The following CAMK1D variants were observed in gnomAD, a reference collection of about 807,000 sequenced individuals.
CAMK1D encodes calcium/calmodulin dependent protein kinase ID.
A neutral mutation model predicts 47.7 loss-of-function variants in CAMK1D; 9 were observed. That is an observed-to-expected ratio of 0.19 (90% confidence interval 0.11 to 0.33). The LOEUF is 0.33. CAMK1D is among the 10% of genes least tolerant of loss of function. The pLI is 1.00. For synonymous variants in CAMK1D, 184 were observed against 184.9 expected (o/e 0.99, Z 0.04); for missense variants, 291 against 488.7 (o/e 0.60, Z 3.81).
intron 1 of CAMK1D, among the ~76,000 whole-genome samples, chr10:12,363,084 G>C (rs1270836753): frequency 6.6e-6 from 1 of 151,736 alleles, no homozygotes; most frequent in Non-Finnish European, 1.5e-5. Context: ...GTGACTACTG[G>C]TGCACGCCAG....
chr10:12,694,381 A>C lies in CAMK1D; in HGVS notation c.299+27571A>C, dbSNP rs1239466153. On this transcript the variant is annotated intron_variant, in intron 3 of 10. Coordinates refer to ENST00000619168, the MANE Select transcript of CAMK1D (RefSeq NM_153498.4). Reference sequence around the variant, plus strand: ...GTTATATGTTATATATAAAATATAAAATATATATGTTATATATCATATATA... The same window carrying C: ...GTTATATGTTATATATAAAATATAACATATATATGTTATATATCATATATA... 1.1e-3 allele frequency among the ~76,000 whole-genome samples: 104 copies of C among 96,066 alleles called. 3 individuals carry two copies. Among genetic ancestry groups the C allele is most frequent in the South Asian group, 4.3e-3 (12 of 2,818 alleles). 63.0% of individuals were successfully genotyped at this position (96,066 alleles called of 152,430 possible).
intron 8 of CAMK1D, among the ~76,000 whole-genome samples, chr10:12,823,476 G>A (rs1235081897): frequency 6.6e-6 from 1 of 152,076 alleles, no homozygotes; most frequent in Admixed American, 6.6e-5. Context: ...GGAGGAGGCT[G>A]TGATCGAGAA....
chr10:12,802,300 T>C (rs554835855), intron 6 of CAMK1D, among the ~76,000 whole-genome samples: 7 of 152,308 alleles, frequency 4.6e-5, no homozygotes, highest in Non-Finnish European at 1.0e-4. Flanking sequence ...TGCCTTTGTA[T>C]CTTCTTGCAG....
intron 1 of CAMK1D, among the ~76,000 whole-genome samples, chr10:12,519,099 G>A (rs1835305582): frequency 1.0e-5 from 1 of 97,794 alleles, no homozygotes. Flanking sequence ...TGGATAGGGC[G>A]GCTGGCCGGG....
chr10:12,654,684 A>G (rs1268884619), intron 2 of CAMK1D, among the ~76,000 whole-genome samples: 1 of 152,202 alleles, frequency 6.6e-6, no homozygotes, highest in Non-Finnish European at 1.5e-5. Context: ...GTAGCCTTAA[A>G]TCTTTATCCT....
chr10:12,830,913 C>G lies in CAMK1D; in HGVS notation c.*2026C>G, dbSNP rs1833405936. ...GGCTGAATGTTGAGTGATGCCCCCC[C>G]ACCCTCTCAATAAACACACACACAC... On this transcript the variant is annotated 3_prime_UTR_variant, in exon 11 of 11. Transcript: ENST00000619168. The G allele has an allele frequency of 1.6e-5, 2 of 128,968 alleles. No homozygotes were observed. The highest frequency in any genetic ancestry group is 5.0e-4 in the South Asian group (2 of 4,030). 8.0% of individuals were successfully genotyped at this position (128,968 alleles called of 1,614,324 possible).
intron 3 of CAMK1D, among the ~76,000 whole-genome samples, chr10:12,737,916 A>C (rs1487767229): frequency 6.6e-6 from 1 of 152,246 alleles, no homozygotes; most frequent in African/African-American, 2.4e-5. Flanking sequence ...TAGATGGATT[A>C]AAGAATAACT....
rs780852004 is a variant in CAMK1D at position 12,777,396 on chromosome 10, G to A, written c.565+7597G>A. 3.4e-4 allele frequency among the ~76,000 whole-genome samples: 47 copies of A among 140,062 alleles called. 1 individual carries two copies. The highest frequency in any genetic ancestry group is 6.5e-4 in the Non-Finnish European group (42 of 64,830). 91.9% of individuals were successfully genotyped at this position (140,062 alleles called of 152,430 possible). A position where few individuals can be genotyped will look rare whatever the true frequency, so the allele number is the denominator to read the frequency against. ...TTTTTTTTTTTTTTTTTTTGAGACGGAGTTTTGCTCTTGTTGCCCAGCCTG... is the reference window on the plus strand; with the variant it reads ...TTTTTTTTTTTTTTTTTTTGAGACGAAGTTTTGCTCTTGTTGCCCAGCCTG... On this transcript the variant is annotated intron_variant, in intron 5 of 10. Coordinates refer to ENST00000619168, the MANE Select transcript of CAMK1D (RefSeq NM_153498.4).
At chr10:12,780,763 C>G (rs10732937) in intron 5 of CAMK1D, among the ~76,000 whole-genome samples, 1 of 152,208 alleles carries the variant, frequency 6.6e-6, no homozygotes, top group African/African-American at 2.4e-5. Context: ...GTTAGTGTCA[C>G]AACAGGGTTT....
At chr10:12,610,994 T>C (rs1160353687) in intron 2 of CAMK1D, among the ~76,000 whole-genome samples, 2 of 152,172 alleles carry the variant, frequency 1.3e-5, no homozygotes, top group African/African-American at 4.8e-5. Flanking sequence ...TAGGCACTCT[T>C]AGGAGTACTT....
chr10:12,590,492 T>C (rs969210434), intron 2 of CAMK1D, among the ~76,000 whole-genome samples: 3 of 152,166 alleles, frequency 2.0e-5, no homozygotes, highest in Non-Finnish European at 2.9e-5. Flanking sequence ...TCACAAAACA[T>C]TGGCATTACA....
chr10:12,658,503 CAAAA>C (rs1840182609), intron 2 of CAMK1D, among the ~76,000 whole-genome samples: 1 of 152,060 alleles, frequency 6.6e-6, no homozygotes, highest in African/African-American at 2.4e-5. Flanking sequence ...CCTATGTGCA[CAAAA>C]CTAGGTAAGG....
At chr10:12,572,019 A>T (rs944114353) in intron 2 of CAMK1D, among the ~76,000 whole-genome samples, 2 of 146,530 alleles carry the variant, frequency 1.4e-5, no homozygotes, top group African/African-American at 5.1e-5. Flanking sequence ...CAAAGATAGA[A>T]AGCAGCACCC....
At chr10:12,400,183 G>A (rs1444071527) in intron 1 of CAMK1D, among the ~76,000 whole-genome samples, 1 of 152,110 alleles carries the variant, frequency 6.6e-6, no homozygotes, top group Non-Finnish European at 1.5e-5. Flanking sequence ...TTTTTAACTC[G>A]GAATTTCAAG....
intron 2 of CAMK1D, among the ~76,000 whole-genome samples, chr10:12,645,970 GTT>G (rs5783282): frequency 0.017 from 2,344 of 136,872 alleles, 40 homozygotes; most frequent in Middle Eastern, 0.038. Flanking sequence ...ATGGCTAGTT[GTT>G]TTTTTTTTTT....
intron 2 of CAMK1D, among the ~76,000 whole-genome samples, chr10:12,605,011 C>G (rs1434273737): frequency 6.6e-6 from 1 of 152,062 alleles, no homozygotes; most frequent in Non-Finnish European, 1.5e-5. Context: ...CATCAGCCTC[C>G]TGAGTAGCTG....
At chr10:12,641,783 G>A (rs771567206) in intron 2 of CAMK1D, among the ~76,000 whole-genome samples, 2 of 152,216 alleles carry the variant, frequency 1.3e-5, no homozygotes, top group South Asian at 4.1e-4. Context: ...AGTGGCTCAC[G>A]CATGTAATCC....
chr10:12,522,809 G>A (rs546338778), intron 1 of CAMK1D, among the ~76,000 whole-genome samples: 2 of 104,280 alleles, frequency 1.9e-5, no homozygotes, highest in African/African-American at 3.5e-5. Context: ...CAGACGGGGC[G>A]GCTGGCCGGG....
At chr10:12,515,401 T>C (rs1423352464) in intron 1 of CAMK1D, among the ~76,000 whole-genome samples, 1 of 95,224 alleles carries the variant, frequency 1.1e-5, no homozygotes, top group African/African-American at 4.3e-5. Flanking sequence ...GTTTTCCTTT[T>C]CTTTTTTTTT....
Sources: gnomAD v4.1 joint callset for allele counts (sites outside exome capture counted in the v4.1 genomes callset) on GRCh38, gnomAD v4.1.1 for gene constraint, MANE v1.5 for transcripts, NCBI Gene and HGNC (gene_info 2026-07-23, HGNC 2026-07-21) for gene names.